Variants in CSMD3 observed in about 807,000 individuals in gnomAD.
CSMD3 encodes the protein CUB and sushi domain-containing protein 3.
A neutral mutation model predicts 435.2 loss-of-function variants in CSMD3; 177 were observed. The ratio of observed to expected loss-of-function variants is 0.41; its 90% CI spans 0.36 to 0.46. The LOEUF is 0.46. CSMD3 is among the 20% of genes least tolerant of loss of function. CSMD3 has a pLI of 0.34. For synonymous variants in CSMD3, 1,656 were observed against 1,520.5 expected (o/e 1.09, Z -2.07); for missense variants, 4,265 against 4,504.6 (o/e 0.95, Z 1.52).
intron 43 of CSMD3, 79 bp from the exon 44 acceptor site, chr8:112,336,908 C>T (rs1824624222): frequency 1.7e-6 from 2 of 1,175,708 alleles, no homozygotes. Context: ...AAACATTTCA[C>T]ATATCTTAAG....
chr8:112,769,490 T>G (rs927523255), intron 13 of CSMD3, among the ~76,000 whole-genome samples: 1 of 152,000 alleles, frequency 6.6e-6, no homozygotes, highest in Non-Finnish European at 1.5e-5. Context: ...CATTTTAAAT[T>G]TCACATTTGC....
At chr8:113,178,867 C>G (rs561733476) in intron 3 of CSMD3, among the ~76,000 whole-genome samples, 1 of 151,790 alleles carries the variant, frequency 6.6e-6, no homozygotes, top group Non-Finnish European at 1.5e-5. Flanking sequence ...GATGGCTTCA[C>G]GCAGTGATGT....
chr8:112,939,014 T>G (rs2083370664), intron 9 of CSMD3, among the ~76,000 whole-genome samples: 1 of 152,130 alleles, frequency 6.6e-6, no homozygotes, highest in Admixed American at 6.6e-5. Flanking sequence ...ATGATATATG[T>G]ATGTACGTGA....
At chr8:112,278,094 C>T (rs767807553) in intron 59 of CSMD3, among the ~76,000 whole-genome samples, 16 of 152,140 alleles carry the variant, frequency 1.1e-4, no homozygotes, top group Non-Finnish European at 2.1e-4. Context: ...GTGGCATAAT[C>T]AGTCAATATG....
At chr8:112,516,822 G>T (rs1241314431) in intron 28 of CSMD3, among the ~76,000 whole-genome samples, 1 of 152,028 alleles carries the variant, frequency 6.6e-6, no homozygotes, top group Non-Finnish European at 1.5e-5. Flanking sequence ...AATCTTAGAA[G>T]CATTGAAAAA....
intron 22 of CSMD3, among the ~76,000 whole-genome samples, chr8:112,600,984 T>G (rs1689998999): frequency 6.6e-6 from 1 of 152,116 alleles, no homozygotes; most frequent in Non-Finnish European, 1.5e-5. Context: ...GATCCTTATA[T>G]ACTTCTCTAG....
chr8:113,384,260 C>A (rs929577689), intron 1 of CSMD3, among the ~76,000 whole-genome samples: 1 of 152,094 alleles, frequency 6.6e-6, no homozygotes, highest in East Asian at 1.9e-4. Context: ...AACCCTAGCA[C>A]CTAACTCTGT....
intron 5 of CSMD3, among the ~76,000 whole-genome samples, chr8:113,072,440 T>C (rs2131410346): frequency 6.6e-6 from 1 of 151,890 alleles, no homozygotes; most frequent in African/African-American, 2.4e-5. Flanking sequence ...GGGTCTTTCA[T>C]ATATGGTCTT....
At chr8:112,348,251 C>T (rs943325379) in intron 40 of CSMD3, among the ~76,000 whole-genome samples, 2 of 152,204 alleles carry the variant, frequency 1.3e-5, no homozygotes, top group African/African-American at 4.8e-5. Flanking sequence ...TTCATGTACA[C>T]TCTTTTGTGT....
At chr8:112,668,491 G>T (rs912274272) in intron 16 of CSMD3, among the ~76,000 whole-genome samples, 1 of 152,048 alleles carries the variant, frequency 6.6e-6, no homozygotes, top group Non-Finnish European at 1.5e-5. Context: ...GAATTAAAAA[G>T]TAAAGTACTG....
Position 112,671,403 on chromosome 8 carries a change from G to C in CSMD3, c.2678-4988C>G, listed in dbSNP as rs187410930. Among the ~76,000 whole-genome samples the C allele has an allele frequency of 2.0e-5, 3 of 152,144 alleles. No individual in the cohort carries two copies. In the East Asian group the frequency reaches 5.8e-4, roughly 29 times the overall value. On this transcript the variant is annotated intron_variant, in intron 16 of 70. Coordinates refer to ENST00000297405, the MANE Select transcript of CSMD3 (RefSeq NM_198123.2). ...GTGGGAGAGTGGGAACCTAACTTCA[G>C]TAAGCTCCAATTATCAAACATAAAT... is the stretch of plus-strand genomic sequence containing the variant.
intron 13 of CSMD3, among the ~76,000 whole-genome samples, chr8:112,747,962 C>CAAAAAAAAAAAAAAAAAAAAAAAAA (rs71309788): frequency 9.3e-5 from 9 of 96,754 alleles, no homozygotes; most frequent in African/African-American, 3.1e-4. Flanking sequence ...GACTCCGTCT[C>CAAAAAAAAAAAAAAAAAAAAAAAAA]AAAAAAAAAA....
chr8:113,346,933 TC>T (rs2132881407), intron 1 of CSMD3, among the ~76,000 whole-genome samples: 1 of 152,196 alleles, frequency 6.6e-6, no homozygotes, highest in East Asian at 1.9e-4. Context: ...TTTCATCAAT[TC>T]TTCTTTATGA....
At chr8:112,735,346 C>A (rs946014696) in intron 13 of CSMD3, among the ~76,000 whole-genome samples, 9 of 151,916 alleles carry the variant, frequency 5.9e-5, no homozygotes, top group Non-Finnish European at 2.9e-5. Context: ...CTCAAAACCA[C>A]CCTGTAAATA....
chr8:113,230,724 T>C (rs1382730473), intron 3 of CSMD3, among the ~76,000 whole-genome samples: 1 of 151,620 alleles, frequency 6.6e-6, no homozygotes, highest in East Asian at 1.9e-4. Context: ...AATTTTGCTC[T>C]TTAGTCTACT....
intron 27 of CSMD3, among the ~76,000 whole-genome samples, chr8:112,532,910 A>T (rs1825675265): frequency 6.6e-6 from 1 of 152,138 alleles, no homozygotes; most frequent in South Asian, 2.1e-4. Flanking sequence ...GATAGACAAT[A>T]TGGAAAGATA....
At chr8:113,173,379 T>C (rs1197494133) in intron 4 of CSMD3, among the ~76,000 whole-genome samples, 1 of 152,128 alleles carries the variant, frequency 6.6e-6, no homozygotes, top group Non-Finnish European at 1.5e-5. Context: ...TGGGGTGCAG[T>C]GGCGCGATCT....
chr8:112,637,384 A>C, intron 21 of CSMD3, among the ~76,000 whole-genome samples: 1 of 134,096 alleles, frequency 7.5e-6, no homozygotes, highest in East Asian at 2.0e-4. Context: ...AAATGAAATC[A>C]TTTGCACTTT....
rs540091449 is a variant in CSMD3, at chr8:112,262,423, A to C, written c.9862+1216T>G. On this transcript the variant is annotated intron_variant, in intron 61 of 70. Coordinates refer to ENST00000297405, the MANE Select transcript of CSMD3 (RefSeq NM_198123.2). ...ACAGAGCAGTGAATAAAACAAAAAA[A>C]ATTCTCTGCTTTCAGGGAGTATACA... Among the ~76,000 whole-genome samples, 12 of 152,244 alleles carry C rather than the reference A, an allele frequency of 7.9e-5. No individual in the cohort carries two copies. The South Asian group carries it at 2.5e-3, about 32-fold the overall frequency.
Sources: gnomAD v4.1 joint callset for allele counts (sites outside exome capture counted in the v4.1 genomes callset) on GRCh38, gnomAD v4.1.1 for gene constraint, MANE v1.5 for transcripts, NCBI Gene and HGNC (gene_info 2026-07-23, HGNC 2026-07-21) for gene names.